RBFOX1: variants seen among roughly 807,000 people sequenced by gnomAD.
The protein encoded by RBFOX1 is RNA binding fox-1 homolog 1.
A neutral mutation model predicts 57.7 loss-of-function variants in RBFOX1; 8 were observed. The observed-to-expected ratio is 0.14, with a 90% CI of 0.08 to 0.25. RBFOX1 has a LOEUF of 0.25. Ranked by LOEUF, RBFOX1 falls within the 10% of genes least tolerant of loss-of-function variation. The pLI, the probability that RBFOX1 is intolerant of heterozygous loss-of-function variation, is 1.00. For synonymous variants in RBFOX1, 326 were observed against 222.4 expected (o/e 1.47, Z -4.15); for missense variants, 611 against 548.5 (o/e 1.11, Z -1.14).
At chr16:6,627,271 C>T (rs2098323669) in intron 2 of RBFOX1, among the ~76,000 whole-genome samples, 1 of 152,152 alleles carries the variant, frequency 6.6e-6, no homozygotes, top group Non-Finnish European at 1.5e-5. Context: ...AAGGCGGGGC[C>T]CTGAAACGTC....
At chr16:6,794,931 G>A (rs1277584359) in intron 3 of RBFOX1, among the ~76,000 whole-genome samples, 1 of 152,104 alleles carries the variant, frequency 6.6e-6, no homozygotes, top group African/African-American at 2.4e-5. Context: ...AGCAAACTGA[G>A]ACCTCAAATA....
chr16:6,668,818 C>G (rs918151705), intron 3 of RBFOX1, among the ~76,000 whole-genome samples: 2 of 5,382 alleles, frequency 3.7e-4, no homozygotes, highest in African/African-American at 4.2e-4. Context: ...AGAAGCAAGT[C>G]TATTTTGTGT....
chr16:6,888,791 AC>A lies in RBFOX1; in HGVS notation c.-15-163263del, dbSNP rs2064744093. 2.0e-5 allele frequency among the ~76,000 whole-genome samples: 3 copies of A among 152,116 alleles called. No homozygotes were observed. In the South Asian group the frequency reaches 6.2e-4, roughly 32 times the overall value. On this transcript the variant is annotated intron_variant, in intron 3 of 15. Coordinates refer to ENST00000550418, the MANE Select transcript of RBFOX1 (RefSeq NM_018723.4). The stretch of plus-strand genomic sequence containing the variant: ...AAGATTAACCGAAGAATTTTATTTC[AC>A]CCTATTGTGTTACCAAACATTAGAT...
intron 1 of RBFOX1, among the ~76,000 whole-genome samples, chr16:5,388,262 C>G (rs962655394): frequency 6.6e-6 from 1 of 152,180 alleles, no homozygotes; most frequent in Non-Finnish European, 1.5e-5. Context: ...GAACACATCT[C>G]AGAAGACATA....
chr16:6,708,923 T>G (rs1978292), intron 3 of RBFOX1, among the ~76,000 whole-genome samples: 20,300 of 92,134 alleles, frequency 0.22, 2,466 homozygotes, highest in East Asian at 0.4. Flanking sequence ...CCCCAACAGC[T>G]TAAGCCAACA....
At chr16:7,360,253 TC>T (rs1448298050) in intron 4 of RBFOX1, among the ~76,000 whole-genome samples, 2 of 152,190 alleles carry the variant, frequency 1.3e-5, no homozygotes, top group African/African-American at 4.8e-5. Context: ...CCCCATTTTT[TC>T]CCAATAGCCT....
Position 6,943,046 on chromosome 16 carries a change from C to G in RBFOX1, c.-15-109011C>G, listed in dbSNP as rs183084738. Among the ~76,000 whole-genome samples, 292 of 152,282 alleles carry G rather than the reference C, an allele frequency of 1.9e-3. 1 individual carries two copies. The highest frequency in any genetic ancestry group is 6.6e-3 in the African/African-American group (276 of 41,564). ...CAAATGGGCAAGCGGGGAGAAAGCT[C>G]CCTGAATGCCTTTACGTTAGATGCT... On this transcript the variant is annotated intron_variant, in intron 3 of 15. Coordinates refer to ENST00000550418, the MANE Select transcript of RBFOX1 (RefSeq NM_018723.4).
In RBFOX1 at chr16:6,647,292, C is replaced by G. The variant is rs143374307; in HGVS notation, c.-63-7311C>G. ...GGAATCTTGGTCTGTTGCCCAGGCT[C>G]TAGTGCAGTGACGTGATCTCAGGGC... On this transcript the variant is annotated intron_variant, in intron 2 of 15. Coordinates refer to ENST00000550418, the MANE Select transcript of RBFOX1 (RefSeq NM_018723.4). Among the ~76,000 whole-genome samples, 401 of 152,196 alleles carry G rather than the reference C, an allele frequency of 2.6e-3. 2 individuals carry two copies. The highest frequency in any genetic ancestry group is 8.8e-3 in the African/African-American group (365 of 41,534).
intron 13 of RBFOX1, among the ~76,000 whole-genome samples, chr16:7,666,611 A>G (rs1157858681): frequency 6.6e-6 from 1 of 152,178 alleles, no homozygotes; most frequent in Non-Finnish European, 1.5e-5. Flanking sequence ...TGGAGCTCCC[A>G]CAAATAAGGA....
intron 3 of RBFOX1, among the ~76,000 whole-genome samples, chr16:5,782,692 T>G (rs1274201606): frequency 6.6e-6 from 1 of 152,188 alleles, no homozygotes; most frequent in East Asian, 1.9e-4. Flanking sequence ...GTTCCTGTTA[T>G]GAAGAATTGG....
chr16:6,965,082 G>C (rs2083820493), intron 3 of RBFOX1, among the ~76,000 whole-genome samples: 1 of 152,046 alleles, frequency 6.6e-6, no homozygotes, highest in South Asian at 2.1e-4. Flanking sequence ...GTGTTATGTA[G>C]CTTCTTCCTA....
At chr16:6,739,788 A>G (rs2071501095) in intron 3 of RBFOX1, among the ~76,000 whole-genome samples, 1 of 152,086 alleles carries the variant, frequency 6.6e-6, no homozygotes, top group South Asian at 2.1e-4. Context: ...GAGGCAGGAG[A>G]ATTGCTTGAA....
intron 3 of RBFOX1, among the ~76,000 whole-genome samples, chr16:5,760,330 C>G (rs546825742): frequency 6.6e-6 from 1 of 151,718 alleles, no homozygotes; most frequent in Non-Finnish European, 1.5e-5. Flanking sequence ...GTTTGATAAA[C>G]CAGAAAATAA....
chr16:7,664,706 A>G, intron 12 of RBFOX1: 1 of 688,254 alleles, frequency 1.5e-6, no homozygotes, highest in Non-Finnish European at 2.4e-6. Flanking sequence ...GCACACCGCC[A>G]CCACCACATC....
intron 1 of RBFOX1, among the ~76,000 whole-genome samples, chr16:6,144,693 T>A (rs188084088): frequency 2.1e-4 from 32 of 152,356 alleles, no homozygotes; most frequent in African/African-American, 7.0e-4. Context: ...GCTTTTCTCA[T>A]GAGCAGGGGC....
intron 1 of RBFOX1, among the ~76,000 whole-genome samples, 185 bp downstream of exon 1, chr16:6,020,177 C>T (rs1596425669): frequency 6.6e-6 from 1 of 152,020 alleles, no homozygotes; most frequent in South Asian, 2.1e-4. Flanking sequence ...CCCCCCTACC[C>T]CCAGGAGGCC....
At chr16:6,821,854 T>C (rs2091362879) in intron 3 of RBFOX1, among the ~76,000 whole-genome samples, 1 of 152,190 alleles carries the variant, frequency 6.6e-6, no homozygotes, top group Admixed American at 6.5e-5. Flanking sequence ...CACTTGTCTG[T>C]TTTCAATTTT....
At position 7,676,883 on chromosome 16, in the gene RBFOX1, CT is replaced by C. The variant is rs1438706195; in HGVS notation, c.995+47del. On this transcript the variant is annotated intron_variant, in intron 14 of 15. Transcript: ENST00000550418. Reference sequence around the variant, plus strand: ...TGCTTGACAACTACTTGTAAATTAACTTAGTTGATGGGAGAGGAGATTCTTG... The same window carrying C: ...TGCTTGACAACTACTTGTAAATTAACTAGTTGATGGGAGAGGAGATTCTTG... 3.3e-6 allele frequency: 5 copies of C among 1,533,854 alleles called. No homozygotes were observed. The Admixed American group carries it at 6.7e-5, about 21-fold the overall frequency.
intron 3 of RBFOX1, among the ~76,000 whole-genome samples, chr16:6,827,159 A>T (rs9929766): frequency 6.6e-6 from 1 of 151,518 alleles, no homozygotes. Flanking sequence ...AGAGGACACT[A>T]TTTTTTACAT....
Sources: allele counts gnomAD v4.1 joint callset (sites outside exome capture counted in the v4.1 genomes callset), GRCh38; gene constraint gnomAD v4.1.1; transcripts MANE v1.5; gene names NCBI Gene and HGNC (gene_info 2026-07-23, HGNC 2026-07-21).